H3-3A: variants seen among roughly 807,000 people sequenced by gnomAD.
H3-3A encodes H3.3 histone A.
For synonymous variants in H3-3A, 49 were observed against 61.4 expected (o/e 0.80, Z 0.95); for missense variants, 7 against 184.0 (o/e 0.04, Z 5.57).
At chr1:226,066,848 T>A (rs1234703756) in intron 3 of H3-3A, 1 of 152,210 alleles carries the variant, frequency 6.6e-6, no homozygotes, top group African/African-American at 2.4e-5. Flanking sequence ...ATGAGAAAGA[T>A]AGGATAGGTG....
At chr1:226,070,513 C>T (rs1011156198) in intron 3 of H3-3A, among the ~76,000 whole-genome samples, 1 of 151,898 alleles carries the variant, frequency 6.6e-6, no homozygotes, top group Non-Finnish European at 1.5e-5. Context: ...GTGGCTCACG[C>T]CTATAATCCC....
At chr1:226,071,215 A>G (rs1658110435) in intron 3 of H3-3A, 136 bp from the exon 4 acceptor site, 5 of 646,054 alleles carry the variant, frequency 7.7e-6, no homozygotes, top group South Asian at 1.9e-5. Flanking sequence ...AAATGTAAGC[A>G]TTTGGTAAAA....
chr1:226,068,752 G>A (rs1658003163), intron 3 of H3-3A, among the ~76,000 whole-genome samples: 1 of 152,196 alleles, frequency 6.6e-6, no homozygotes, highest in Admixed American at 6.5e-5. Context: ...TGAGATTTCT[G>A]TTATCAAGTA....
chr1:226,071,164 T>A (rs1173467139), intron 3 of H3-3A, among the ~76,000 whole-genome samples, 187 bp from the exon 4 acceptor site: 2 of 152,272 alleles, frequency 1.3e-5, no homozygotes. Flanking sequence ...GCTTTTGTTT[T>A]TTTTCATAAG....
intron 3 of H3-3A, among the ~76,000 whole-genome samples, chr1:226,070,722 G>GAGATCGCGCTACTGCACTCCAGCC (rs1658087302): frequency 6.6e-6 from 1 of 152,130 alleles, no homozygotes; most frequent in African/African-American, 2.4e-5. Context: ...GCAGTGAGCC[G>GAGATCGCGCTACTGCACTCCAGCC]AGATCGCGCT....
intron 3 of H3-3A, among the ~76,000 whole-genome samples, chr1:226,070,754 C>T (rs1352913924): frequency 7.0e-6 from 1 of 143,860 alleles, no homozygotes; most frequent in Non-Finnish European, 1.5e-5. Context: ...GCCTGGGCGA[C>T]AGAGTAAGAC....
intron 3 of H3-3A, among the ~76,000 whole-genome samples, chr1:226,069,844 CAAAA>C (rs1041943544): frequency 1.3e-5 from 2 of 151,982 alleles, no homozygotes; most frequent in African/African-American, 4.8e-5. Context: ...AAAACAAAAA[CAAAA>C]AGAGTAAGCA....
At chr1:226,067,614 C>G (rs1352322346) in intron 3 of H3-3A, among the ~76,000 whole-genome samples, 1 of 151,834 alleles carries the variant, frequency 6.6e-6, no homozygotes, top group Non-Finnish European at 1.5e-5. Context: ...TGGTGGCAGG[C>G]GCCTATAATC....
chr1:226,069,797 C>G (rs1465547849), intron 3 of H3-3A, among the ~76,000 whole-genome samples: 1 of 152,144 alleles, frequency 6.6e-6, no homozygotes, highest in Non-Finnish European at 1.5e-5. Context: ...TACCACTGCA[C>G]TCCAGCCAGG....
In H3-3A at chr1:226,065,650, T is replaced by C; in HGVS notation, c.129-6T>C. 1.3e-6 allele frequency: 2 copies of C among 1,528,464 alleles called. No homozygotes were observed. The highest frequency in any genetic ancestry group is 1.9e-4 in the Middle Eastern group (1 of 5,250). 94.7% of individuals were successfully genotyped at this position (1,528,464 alleles called of 1,614,324 possible). A position where few individuals can be genotyped will look rare whatever the true frequency, so the allele number is the denominator to read the frequency against. On this transcript the variant is annotated splice_polypyrimidine_tract_variant and splice_region_variant and intron_variant, in intron 2 of 3. Transcript: ENST00000366815. The stretch of plus-strand genomic sequence containing the variant: ...TGGTAACAGTTTCTTTATTAATTTT[T>C]TAAAGGCCTGGTACTGTGGCGCTCC...
At chr1:226,065,207 C>T (rs1657885678) in intron 2 of H3-3A, among the ~76,000 whole-genome samples, 1 of 152,048 alleles carries the variant, frequency 6.6e-6, no homozygotes, top group African/African-American at 2.4e-5. Flanking sequence ...TAGAGGTATT[C>T]TGGGAAATAG....
In H3-3A at chr1:226,071,837, T is replaced by C. The variant is rs945022535; in HGVS notation, c.*358T>C. 9.5e-6 allele frequency: 2 copies of C among 211,290 alleles called. No homozygotes were observed. The highest frequency in any genetic ancestry group is 6.2e-5 in the Admixed American group (1 of 16,220). 13.1% of individuals were successfully genotyped at this position (211,290 alleles called of 1,614,324 possible). ...TTTTTTAAAACAAGTAAATTTCTTA[T>C]TGATGGCAACTAAATGGTGTTTGTA... On this transcript the variant is annotated 3_prime_UTR_variant, in exon 4 of 4. Transcript: ENST00000366815.
At chr1:226,062,115 C>G (rs1310594930), upstream of H3-3A, 1 of 152,114 alleles carries the variant, frequency 6.6e-6, no homozygotes, top group Non-Finnish European at 1.5e-5. Flanking sequence ...GGGCGCGGGA[C>G]GCTGGATTCC....
chr1:226,067,364 CT>C (rs1657962208), intron 3 of H3-3A: 1 of 152,130 alleles, frequency 6.6e-6, no homozygotes, highest in Non-Finnish European at 1.5e-5. Flanking sequence ...TTAGATAGCT[CT>C]TTATTGGAAA....
chr1:226,067,207 TTAC>T (rs1209145781), intron 3 of H3-3A: 1 of 152,192 alleles, frequency 6.6e-6, no homozygotes, highest in East Asian at 1.9e-4. Context: ...TAAATTGAAT[TTAC>T]TAAACAATCT....
intron 1 of H3-3A, among the ~76,000 whole-genome samples, chr1:226,063,245 G>T (rs1029822720): frequency 6.6e-6 from 1 of 152,050 alleles, no homozygotes; most frequent in Non-Finnish European, 1.5e-5. Flanking sequence ...CTCGCTTTTT[G>T]CTGCCTCCCC....
upstream of H3-3A, chr1:226,062,124 C>G (rs1657724910): frequency 6.6e-6 from 1 of 152,102 alleles, no homozygotes; most frequent in Non-Finnish European, 1.5e-5. Flanking sequence ...ACGCTGGATT[C>G]CTATTTGCCA....
intron 3 of H3-3A, among the ~76,000 whole-genome samples, chr1:226,070,932 A>G (rs1445492007): frequency 6.6e-6 from 1 of 152,228 alleles, no homozygotes; most frequent in African/African-American, 2.4e-5. Context: ...AGGTTCACAT[A>G]CTGTGTGAAT....
chr1:226,062,605 A>C (rs1356487266), upstream of H3-3A: 1 of 118,320 alleles, frequency 8.5e-6, no homozygotes, highest in African/African-American at 3.5e-5. Context: ...GCGGGGCGCG[A>C]GAGGAGCTAT....
Sources: gnomAD v4.1 joint callset for allele counts (sites outside exome capture counted in the v4.1 genomes callset) on GRCh38, gnomAD v4.1.1 for gene constraint, MANE v1.5 for transcripts, NCBI Gene and HGNC (gene_info 2026-07-23, HGNC 2026-07-21) for gene names.